ATP7B: variants seen among roughly 807,000 people sequenced by gnomAD.
The protein encoded by ATP7B is ATPase copper transporting beta.
ATP7B carries 113 observed loss-of-function variants against 118.9 expected under a neutral mutation model. The observed-to-expected ratio is 0.95, with a 90% CI of 0.82 to 1.11. The LOEUF (loss-of-function observed/expected upper bound fraction) is 1.11, where lower values mean the gene tolerates loss of function less well. ATP7B is among the 50% of genes most tolerant of loss of function. The probability of loss-of-function intolerance (pLI) is 0.00; values close to 1 mark genes in which losing one functional copy is unlikely to be tolerated. For missense variants in ATP7B, 1,867 were observed against 1,871.4 expected (o/e 1.00, Z 0.04); for synonymous variants, 777 against 727.4 (o/e 1.07, Z -1.10).
intron 1 of ATP7B, among the ~76,000 whole-genome samples, chr13:51,996,259 G>A (rs73184328): frequency 0.16 from 24,675 of 152,116 alleles, 2,493 homozygotes; most frequent in East Asian, 0.33. Context: ...GCAGCACCAC[G>A]GCCAGGAACT....
chr13:52,011,735 C>A (rs1055659322), upstream of ATP7B, among the ~76,000 whole-genome samples: 19 of 152,260 alleles, frequency 1.2e-4, no homozygotes, highest in Non-Finnish European at 2.2e-4. Context: ...GTGCCGGCGC[C>A]GCAGGGCGGA....
At chr13:51,943,957 G>T in intron 14 of ATP7B, 152 bp downstream of exon 14, 1 of 930,648 alleles carries the variant, frequency 1.1e-6, no homozygotes, top group Non-Finnish European at 1.6e-6. Context: ...CTGACTGTGA[G>T]CCCTATATCT....
intron 12 of ATP7B, among the ~76,000 whole-genome samples, chr13:51,949,215 G>T (rs1437384422): frequency 6.6e-6 from 1 of 152,090 alleles, no homozygotes; most frequent in Non-Finnish European, 1.5e-5. Flanking sequence ...AACATAAAAA[G>T]CTATTTACAT....
At chr13:51,977,674 A>C (rs562868794) in intron 1 of ATP7B, among the ~76,000 whole-genome samples, 2 of 152,368 alleles carry the variant, frequency 1.3e-5, no homozygotes, top group East Asian at 3.9e-4. Flanking sequence ...TTTATTATCG[A>C]GTATTATGTA....
chr13:51,966,917 C>A (rs1482443106), intron 4 of ATP7B: 1 of 1,613,022 alleles, frequency 6.2e-7, no homozygotes, highest in Non-Finnish European at 8.5e-7. Context: ...ACCGAGAGCA[C>A]TTTGAAAACA....
Position 51,934,676 on chromosome 13 carries a change from C to A in ATP7B, c.*80G>T, listed in dbSNP as rs1398330494. On this transcript the variant is annotated 3_prime_UTR_variant, in exon 21 of 21. Transcript: ENST00000242839. ...TCCCCAAAGCTGGAGGCTAGCTCAG[C>A]CCATCCTGCTGCTGGCTGTCCTGCT... is the stretch of plus-strand genomic sequence containing the variant. The A allele has an allele frequency of 6.3e-7, 1 of 1,593,312 alleles. No homozygotes were observed. The highest frequency in any genetic ancestry group is 1.3e-5 in the African/African-American group (1 of 74,650).
At chr13:51,991,324 T>C (rs2140371230) in intron 1 of ATP7B, among the ~76,000 whole-genome samples, 1 of 152,050 alleles carries the variant, frequency 6.6e-6, no homozygotes, top group Admixed American at 6.5e-5. Flanking sequence ...CAGGATACGA[T>C]GACAAATTAA....
At chr13:51,954,074 C>A (rs373863420) in intron 9 of ATP7B, among the ~76,000 whole-genome samples, 12 of 152,260 alleles carry the variant, frequency 7.9e-5, no homozygotes, top group African/African-American at 2.9e-4. Flanking sequence ...CACAGCTGAG[C>A]CAGGCCTGGG....
Position 51,933,045 on chromosome 13 carries a change from C to G in ATP7B, c.*1711G>C, listed in dbSNP as rs573002084. On this transcript the variant is annotated 3_prime_UTR_variant, in exon 21 of 21. Coordinates refer to ENST00000242839, the MANE Select transcript of ATP7B (RefSeq NM_000053.4). ...TTTATAAAATAAAACCCTGCAAAAA[C>G]TATATGTAAAAAGTGAAACTAACCA... 3.9e-5 allele frequency: 6 copies of G among 152,258 alleles called. No homozygotes were observed. Among genetic ancestry groups the G allele is most frequent in the African/African-American group, 1.4e-4 (6 of 41,536 alleles). 9.4% of individuals were successfully genotyped at this position (152,258 alleles called of 1,614,324 possible). A position where few individuals can be genotyped will look rare whatever the true frequency, so the allele number is the denominator to read the frequency against.
rs182073953 is a variant in ATP7B at position 51,968,778 on chromosome 13, G to A, written c.1544-171C>T. On this transcript the variant is annotated intron_variant, in intron 3 of 20. Transcript: ENST00000242839. ...CATGAGGCTTGCTTGGAAAGCCTTC[G>A]ACAATCACGATGTCTGGTCTCTTAC... 2.2e-3 allele frequency among the ~76,000 whole-genome samples: 341 copies of A among 152,116 alleles called. 2 individuals carry two copies. Among genetic ancestry groups the A allele is most frequent in the South Asian group, 9.4e-3 (45 of 4,812 alleles).
chr13:51,940,738 A>T (rs1957282127), intron 16 of ATP7B, among the ~76,000 whole-genome samples: 2 of 152,146 alleles, frequency 1.3e-5, no homozygotes, highest in African/African-American at 4.8e-5. Flanking sequence ...CTGTAGTTAA[A>T]CCTGCTGGGA....
At chr13:51,978,556 C>G (rs1952239655) in intron 1 of ATP7B, among the ~76,000 whole-genome samples, 1 of 152,070 alleles carries the variant, frequency 6.6e-6, no homozygotes, top group African/African-American at 2.4e-5. Context: ...CAAAGCATGC[C>G]ATGGAGATAT....
chr13:51,951,866 G>A (rs540146322), intron 9 of ATP7B, among the ~76,000 whole-genome samples: 2 of 152,296 alleles, frequency 1.3e-5, no homozygotes, highest in African/African-American at 4.8e-5. Flanking sequence ...AAACAGACAA[G>A]GGGGAAATAC....
At chr13:51,977,505 G>A (rs1361707941) in intron 1 of ATP7B, among the ~76,000 whole-genome samples, 1 of 152,108 alleles carries the variant, frequency 6.6e-6, no homozygotes, top group Non-Finnish European at 1.5e-5. Flanking sequence ...TAACAGGCAT[G>A]GAGCTGTCAT....
chr13:51,942,338 G>T, intron 15 of ATP7B, 48 bp downstream of exon 15: 1 of 1,610,620 alleles, frequency 6.2e-7, no homozygotes, highest in South Asian at 1.1e-5. Flanking sequence ...TCTGTGGTTT[G>T]ACCCACCTCT....
At chr13:51,955,574 C>A (rs901117065) in intron 9 of ATP7B, among the ~76,000 whole-genome samples, 1 of 152,136 alleles carries the variant, frequency 6.6e-6, no homozygotes, top group African/African-American at 2.4e-5. Flanking sequence ...GCACTTCGGC[C>A]GGCAGATGCC....
At chr13:51,992,776 G>T (rs1480499277) in intron 1 of ATP7B, among the ~76,000 whole-genome samples, 1 of 151,954 alleles carries the variant, frequency 6.6e-6, no homozygotes, top group African/African-American at 2.4e-5. Context: ...TCAGGAGTTT[G>T]AGACCAGCCT....
intron 12 of ATP7B, chr13:51,947,980 T>G (rs891926329): frequency 1.3e-5 from 2 of 152,238 alleles, no homozygotes; most frequent in African/African-American, 4.8e-5. Flanking sequence ...CATGGCCATA[T>G]GCCAACGCAC....
chr13:51,958,410 C>A lies in ATP7B; in HGVS notation c.2256G>T (p.Val752=). ...VYSLVILVVA[V]AEKAERSPVT... is the part of the protein sequence containing the mutation. ...CAGGGCTCCTCTCCGCCTTCTCAGCCACAGCAACCACCAGGATGACCAGAG... is the reference window on the plus strand; with the variant it reads ...CAGGGCTCCTCTCCGCCTTCTCAGCAACAGCAACCACCAGGATGACCAGAG... Residue 752 remains valine, a synonymous_variant, in exon 8 of 21, where the codon GTG becomes GTT. Coordinates refer to ENST00000242839, the MANE Select transcript of ATP7B (RefSeq NM_000053.4). The A allele has an allele frequency of 6.2e-7, 1 of 1,614,182 alleles. No individual in the cohort carries two copies. The highest frequency in any genetic ancestry group is 8.5e-7 in the Non-Finnish European group (1 of 1,180,026).
Sources: allele counts gnomAD v4.1 joint callset (sites outside exome capture counted in the v4.1 genomes callset), GRCh38; gene constraint gnomAD v4.1.1; transcripts MANE v1.5; gene names NCBI Gene and HGNC (gene_info 2026-07-23, HGNC 2026-07-21).